SERPINE3: variants seen among roughly 807,000 people sequenced by gnomAD.
SERPINE3 encodes the protein serpin E3.
In SERPINE3, 43 loss-of-function variants were observed where a neutral mutation model predicts 41.7. The observed-to-expected ratio is 1.03, with a 90% CI of 0.81 to 1.33. The LOEUF is 1.33. SERPINE3 is among the 40% of genes most tolerant of loss of function. SERPINE3 has a pLI of 0.00. For synonymous variants in SERPINE3, 200 were observed against 192.2 expected, an observed-to-expected ratio of 1.04 and a Z score of -0.34; for missense variants, 440 against 491.7, an observed-to-expected ratio of 0.89 and a Z score of 0.99.
chr13:51,347,301 A>C, intron 5 of SERPINE3, 67 bp downstream of exon 5: 1 of 1,369,062 alleles, frequency 7.3e-7, no homozygotes. Context: ...AGGAGAGAGG[A>C]GGCCAGGTCC....
intron 6 of SERPINE3, among the ~76,000 whole-genome samples, chr13:51,351,217 A>C (rs1955399538): frequency 6.6e-6 from 1 of 152,160 alleles, no homozygotes; most frequent in Non-Finnish European, 1.5e-5. Flanking sequence ...CATTTTGAAG[A>C]ACTATCAAAC....
intron 1 of SERPINE3, among the ~76,000 whole-genome samples, 176 bp from the exon 2 acceptor site, chr13:51,340,608 G>C (rs1955279805): frequency 6.6e-6 from 1 of 152,154 alleles, no homozygotes; most frequent in Admixed American, 6.5e-5. Context: ...TAGTGAGATT[G>C]TTGGGATGAT....
In SERPINE3 at chr13:51,361,297, T is replaced by C. The variant is rs912329596; in HGVS notation, c.1020T>C (p.Val340=). ...GGTTAGGCCAAGATGGCTTTTATGTTTCTGAAGCAATCCACAAGGCCAAGA... is the reference window on the plus strand; with the variant it reads ...GGTTAGGCCAAGATGGCTTTTATGTCTCTGAAGCAATCCACAAGGCCAAGA... The part of the protein sequence containing the change: ...KGISGQDGFY[V]SEAIHKAKIE... Residue 340 remains valine (V), a synonymous_variant, in exon 8 of 10, where the codon GTT becomes GTC. Transcript: ENST00000681248. 1.9e-6 allele frequency: 3 copies of C among 1,609,544 alleles called. No homozygotes were observed. Among genetic ancestry groups the C allele is most frequent in the Non-Finnish European group, 2.5e-6 (3 of 1,177,294 alleles).
At chr13:51,344,683 C>T (rs1373770685) in intron 4 of SERPINE3, among the ~76,000 whole-genome samples, 198 bp downstream of exon 4, 1 of 152,014 alleles carries the variant, frequency 6.6e-6, no homozygotes, top group African/African-American at 2.4e-5. Flanking sequence ...CTGACCCTCT[C>T]CCACACAAAT....
chr13:51,352,977 T>A (rs562267547), intron 6 of SERPINE3, among the ~76,000 whole-genome samples: 1 of 152,198 alleles, frequency 6.6e-6, no homozygotes, highest in Non-Finnish European at 1.5e-5. Flanking sequence ...GAGATTTATA[T>A]GGTATTGGAT....
chr13:51,361,162 C>T (rs1955568485), intron 7 of SERPINE3, 116 bp from the exon 8 acceptor site: 2 of 651,724 alleles, frequency 3.1e-6, no homozygotes, highest in East Asian at 2.8e-5. Context: ...CCTAGCTACA[C>T]AGTAAGCAGC....
Position 51,348,211 on chromosome 13 carries a change from A to G in SERPINE3, c.701-2A>G, listed in dbSNP as rs1203879372. On this transcript the variant is annotated splice_acceptor_variant, in intron 5 of 9. Transcript: ENST00000681248. LOFTEE classifies it high-confidence loss of function. ...CTGACCTCTGATCCACTGTACCCTCAGGTCAGTTCCAGGACACTGCAGGCC... is the reference window on the plus strand; with the variant it reads ...CTGACCTCTGATCCACTGTACCCTCGGGTCAGTTCCAGGACACTGCAGGCC... 1.3e-6 allele frequency: 2 copies of G among 1,579,916 alleles called. No homozygotes were observed. The highest frequency in any genetic ancestry group is 2.3e-5 in the South Asian group (2 of 86,092).
chr13:51,345,907 G>A (rs1955341793), intron 4 of SERPINE3, among the ~76,000 whole-genome samples: 1 of 152,208 alleles, frequency 6.6e-6, no homozygotes, highest in Admixed American at 6.5e-5. Flanking sequence ...CCAGAGCCAG[G>A]CTGCTTGGGT....
intron 5 of SERPINE3, among the ~76,000 whole-genome samples, chr13:51,347,974 G>C (rs1433005009): frequency 6.6e-6 from 1 of 151,900 alleles, no homozygotes; most frequent in Non-Finnish European, 1.5e-5. Flanking sequence ...CCCATACCCA[G>C]TCCTAGAGAA....
rs376937441 is a variant in SERPINE3 at position 51,344,317 on chromosome 13, G to A, written c.322G>A (p.Glu108Lys). 1.4e-5 allele frequency: 23 copies of A among 1,613,840 alleles called. No individual in the cohort carries two copies. The highest frequency in any genetic ancestry group is 1.2e-4 in the Admixed American group (7 of 60,008). ...ACTACCCACCTCCAGCCAAGGCACCGAGATGGAGCTGGCCTGCAGCCTTTT... is the reference window on the plus strand; with the variant it reads ...ACTACCCACCTCCAGCCAAGGCACCAAGATGGAGCTGGCCTGCAGCCTTTT... The part of the protein sequence containing the change: ...ATLPTSSQGT[E>K]MELACSLFVQ... Residue 108 changes from glutamate (E) to lysine (K), a missense_variant, in exon 4 of 10, where the codon GAG (glutamate) becomes AAG (lysine). Transcript: ENST00000681248.
rs1955642303 is a variant in SERPINE3 at position 51,364,292 on chromosome 13, C to T, written c.*10C>T. 3 of 1,430,298 alleles carry T rather than the reference C, an allele frequency of 2.1e-6. No individual in the cohort carries two copies. The highest frequency in any genetic ancestry group is 5.0e-5 in the East Asian group (2 of 39,906). The allele number at this position is 1,430,298 out of a possible 1,614,324, so 88.6% of individuals were successfully genotyped here. On this transcript the variant is annotated 3_prime_UTR_variant, in exon 10 of 10. Coordinates refer to ENST00000681248, the MANE Select transcript of SERPINE3 (RefSeq NM_001386375.1). ...AAATCCCCTAGACTAAATGCATGTTCTCCACTTTCATCAATGCTTTTCTTC... is the reference window on the plus strand; with the variant it reads ...AAATCCCCTAGACTAAATGCATGTTTTCCACTTTCATCAATGCTTTTCTTC...
chr13:51,360,714 T>A (rs955341264), intron 7 of SERPINE3, among the ~76,000 whole-genome samples: 2 of 152,050 alleles, frequency 1.3e-5, no homozygotes, highest in South Asian at 4.1e-4. Context: ...CAGAATACAG[T>A]CATGCAACAC....
chr13:51,352,443 T>C lies in SERPINE3; in HGVS notation c.900-2600T>C, dbSNP rs558772692. On this transcript the variant is annotated intron_variant, in intron 6 of 9. Transcript: ENST00000681248. ...TATCTTAATCTTGTATGCTGTACCT[T>C]ACTGAACTCATTTATTAGCTCTGAT... Among the ~76,000 whole-genome samples the C allele has an allele frequency of 5.8e-4, 88 of 152,224 alleles. 1 individual carries two copies. Among genetic ancestry groups the C allele is most frequent in the Non-Finnish European group, 1.0e-3 (71 of 67,962 alleles).
intron 7 of SERPINE3, among the ~76,000 whole-genome samples, chr13:51,357,327 C>T (rs914730607): frequency 2.6e-5 from 4 of 152,128 alleles, no homozygotes; most frequent in Non-Finnish European, 5.9e-5. Context: ...GGGTAACTAC[C>T]ACTCACCACA....
rs753467071 is a variant in SERPINE3 at position 51,341,264 on chromosome 13, C to A, written c.173C>A (p.Ser58Tyr). The change falls in exon 3 of 10, where the codon TCC becomes TAC. Residue 58 changes from serine to tyrosine, a missense_variant. Ser to Tyr is a moderately radical substitution (Grantham distance 144, BLOSUM62 -2). Coordinates refer to ENST00000681248, the MANE Select transcript of SERPINE3 (RefSeq NM_001386375.1). ...TTTGTCATCTCTCCTGCTGGTGTGT[C>A]CCTCCCCCTGGAGATCCTGCAGTTT... is the stretch of plus-strand genomic sequence containing the variant. ...TNFVISPAGV[S>Y]LPLEILQFGA... 6.2e-7 allele frequency: 1 copy of A among 1,613,954 alleles called. No homozygotes were observed. Among genetic ancestry groups the A allele is most frequent in the Non-Finnish European group, 8.5e-7 (1 of 1,179,856 alleles).
Sources: gnomAD v4.1 joint callset for allele counts (sites outside exome capture counted in the v4.1 genomes callset) on GRCh38, gnomAD v4.1.1 for gene constraint, MANE v1.5 for transcripts, NCBI Gene and HGNC (gene_info 2026-07-23, HGNC 2026-07-21) for gene names.